Variants in HERC4 observed in about 807,000 individuals in gnomAD.
HERC4 encodes HECT and RLD domain containing E3 ubiquitin protein ligase 4.
HERC4 carries 28 observed loss-of-function variants against 124.3 expected under a neutral mutation model. The ratio of observed to expected loss-of-function variants is 0.23; its 90% CI spans 0.17 to 0.31. The LOEUF (loss-of-function observed/expected upper bound fraction) is 0.31, where lower values mean the gene tolerates loss of function less well. Ranked by LOEUF, HERC4 falls within the 10% of genes least tolerant of loss-of-function variation. HERC4 has a pLI of 1.00. For synonymous variants in HERC4, 407 were observed against 421.5 expected (o/e 0.97, Z 0.42); for missense variants, 713 against 1,229.3 (o/e 0.58, Z 6.28).
chr10:68,043,419 C>G (rs1174157032), intron 4 of HERC4, among the ~76,000 whole-genome samples: 1 of 152,126 alleles, frequency 6.6e-6, no homozygotes, highest in Non-Finnish European at 1.5e-5. Flanking sequence ...AATTTTAAAA[C>G]TAAGTATGAG....
intron 20 of HERC4, among the ~76,000 whole-genome samples, chr10:67,940,702 C>T (rs1394352761): frequency 6.6e-6 from 1 of 152,122 alleles, no homozygotes; most frequent in East Asian, 1.9e-4. Flanking sequence ...GCCTCGGTCT[C>T]CCAAAATGCT....
At chr10:68,041,995 G>A (rs1024253375) in intron 4 of HERC4, among the ~76,000 whole-genome samples, 12 of 151,902 alleles carry the variant, frequency 7.9e-5, no homozygotes, top group Admixed American at 6.6e-4. Context: ...AACCTAATGC[G>A]AATCTTCACT....
intron 8 of HERC4, 96 bp from the exon 9 acceptor site, chr10:68,014,282 T>G: frequency 8.6e-7 from 1 of 1,159,136 alleles, no homozygotes; most frequent in Non-Finnish European, 1.2e-6. Flanking sequence ...GTAATTTTTC[T>G]TTTCAAAAAA....
chr10:68,039,381 TTTC>T, intron 4 of HERC4: 2 of 1,540,458 alleles, frequency 1.3e-6, no homozygotes, highest in Non-Finnish European at 1.8e-6. Context: ...ACACAATATG[TTTC>T]TTATTTCCCT....
chr10:68,018,048 C>A (rs765647668), intron 8 of HERC4, among the ~76,000 whole-genome samples: 1 of 151,738 alleles, frequency 6.6e-6, no homozygotes, highest in Admixed American at 6.6e-5. Context: ...GACTAGAAAA[C>A]CTTCATAATA....
intron 15 of HERC4, among the ~76,000 whole-genome samples, chr10:67,977,947 C>T (rs1203547781): frequency 6.6e-6 from 1 of 152,040 alleles, no homozygotes; most frequent in African/African-American, 2.4e-5. Flanking sequence ...TGCCACTGCA[C>T]TCCAGCCTGG....
chr10:68,039,162 A>G (rs2039631293), intron 4 of HERC4, among the ~76,000 whole-genome samples: 1 of 151,322 alleles, frequency 6.6e-6, no homozygotes, highest in East Asian at 1.9e-4. Context: ...CAAAAAAAAA[A>G]AAAAAAAATT....
At chr10:67,980,081 T>C (rs2035838530) in intron 15 of HERC4, among the ~76,000 whole-genome samples, 1 of 152,226 alleles carries the variant, frequency 6.6e-6, no homozygotes, top group African/African-American at 2.4e-5. Context: ...AGGGAAAATT[T>C]ATCCAGTGAA....
At chr10:68,026,079 A>T (rs1350765337) in intron 7 of HERC4, among the ~76,000 whole-genome samples, 1 of 152,158 alleles carries the variant, frequency 6.6e-6, no homozygotes, top group Non-Finnish European at 1.5e-5. Flanking sequence ...CAGAGTGCAT[A>T]AATAGAGCAA....
Position 68,025,573 on chromosome 10 carries a change from C to T in HERC4, c.881G>A (p.Ser294Asn), listed in dbSNP as rs780991360. The T allele has an allele frequency of 6.2e-7, 1 of 1,613,648 alleles. No individual in the cohort carries two copies. Among genetic ancestry groups the T allele is most frequent in the Admixed American group, 1.7e-5 (1 of 59,980 alleles). ...TCCACAAGCAATCTCAGTGACAATG[C>T]TTCCCATAAGTTCAAAAACTTTCCT... Reference protein sequence around the residue: ...NPRKVFELMGSIVTEIACGRQ... With the variant: ...NPRKVFELMGNIVTEIACGRQ... The change falls in exon 8 of 25, where the codon AGC (serine) becomes AAC (asparagine). Residue 294 changes from serine (S) to asparagine (N), a missense_variant. Physicochemically the swap from Ser to Asn is conservative, Grantham distance 46 (BLOSUM62 1). Coordinates refer to ENST00000373700, the MANE Select transcript of HERC4 (RefSeq NM_015601.4).
chr10:67,941,305 G>A (rs558763570), intron 19 of HERC4, among the ~76,000 whole-genome samples, 200 bp from the exon 20 acceptor site: 1 of 151,946 alleles, frequency 6.6e-6, no homozygotes, highest in East Asian at 1.9e-4. Flanking sequence ...TATTTTCTCA[G>A]ACTTAAAAAA....
intron 3 of HERC4, among the ~76,000 whole-genome samples, chr10:68,063,420 G>A (rs1347385502): frequency 1.3e-5 from 2 of 152,006 alleles, no homozygotes; most frequent in Non-Finnish European, 2.9e-5. Flanking sequence ...ACACAGGCCA[G>A]GCTGGTCTTG....
At chr10:68,010,057 A>C (rs1039955166) in intron 9 of HERC4, 4 of 534,812 alleles carry the variant, frequency 7.5e-6, no homozygotes, top group Middle Eastern at 5.7e-4. Context: ...CAGTTGCCCC[A>C]AACTCCCCTG....
intron 9 of HERC4, among the ~76,000 whole-genome samples, chr10:67,999,144 T>C (rs2037079842): frequency 6.6e-6 from 1 of 152,228 alleles, no homozygotes; most frequent in Admixed American, 6.5e-5. Flanking sequence ...GATCTCAAGA[T>C]TATTAAGTTG....
intron 20 of HERC4, among the ~76,000 whole-genome samples, chr10:67,940,109 G>A (rs2032748377): frequency 1.3e-5 from 2 of 151,918 alleles, no homozygotes; most frequent in Admixed American, 6.6e-5. Context: ...TGTATTTTTA[G>A]TAGAGACCAG....
In HERC4 at chr10:68,005,978, C is replaced by T. The variant is rs539049459; in HGVS notation, c.1069+8048G>A. The stretch of plus-strand genomic sequence containing the variant: ...TGTTTTCTGATCTGATCTGAGGTTA[C>T]CAGGCTTGCAAACAACATCTTAACT... On this transcript the variant is annotated intron_variant, in intron 9 of 24. Coordinates refer to ENST00000373700, the MANE Select transcript of HERC4 (RefSeq NM_015601.4). Among the ~76,000 whole-genome samples the T allele has an allele frequency of 2.0e-4, 30 of 152,250 alleles. 1 individual carries two copies. In the South Asian group the frequency reaches 6.2e-3, roughly 32 times the overall value.
intron 19 of HERC4, among the ~76,000 whole-genome samples, chr10:67,942,357 G>T (rs2032985849): frequency 6.6e-6 from 1 of 152,170 alleles, no homozygotes; most frequent in African/African-American, 2.4e-5. Context: ...CTAGCTAGTA[G>T]TATTAAAAAT....
intron 16 of HERC4, among the ~76,000 whole-genome samples, chr10:67,961,793 G>A (rs184358565): frequency 6.6e-6 from 1 of 151,992 alleles, no homozygotes; most frequent in African/African-American, 2.4e-5. Flanking sequence ...AGCCAAAGCA[G>A]TGTAAGCATA....
intron 3 of HERC4, among the ~76,000 whole-genome samples, chr10:68,051,686 CTTTTCTT>C (rs963093123): frequency 5.0e-5 from 7 of 140,392 alleles, no homozygotes; most frequent in Non-Finnish European, 7.8e-5. Context: ...TTCAACTTTT[CTTTTCTT>C]TTTTTTTTTT....
Sources: allele counts gnomAD v4.1 joint callset (sites outside exome capture counted in the v4.1 genomes callset), GRCh38; gene constraint gnomAD v4.1.1; transcripts MANE v1.5; gene names NCBI Gene and HGNC (gene_info 2026-07-23, HGNC 2026-07-21).